The following SMURF2 variants were observed in gnomAD, a reference collection of about 807,000 sequenced individuals.
SMURF2 encodes the protein SMAD specific E3 ubiquitin protein ligase 2, also known as E3 ubiquitin-protein ligase SMURF2.
A neutral mutation model predicts 109.6 loss-of-function variants in SMURF2; 48 were observed. The ratio of observed to expected loss-of-function variants is 0.44; its 90% CI spans 0.35 to 0.56. The LOEUF is 0.56. Ranked by LOEUF, SMURF2 falls within the 20% of genes least tolerant of loss-of-function variation. The probability of loss-of-function intolerance (pLI) is 0.01; values close to 1 mark genes in which losing one functional copy is unlikely to be tolerated. For missense variants in SMURF2, 575 were observed against 909.0 expected (o/e 0.63, Z 4.72); for synonymous variants, 288 against 317.1 (o/e 0.91, Z 0.97).
At position 64,562,760 on chromosome 17, in the gene SMURF2, C is replaced by G; in HGVS notation, c.1212+11G>C. 1 of 1,609,932 alleles carries G rather than the reference C, an allele frequency of 6.2e-7. No individual in the cohort carries two copies. The highest frequency in any genetic ancestry group is 8.5e-7 in the Non-Finnish European group (1 of 1,177,894). On this transcript the variant is annotated intron_variant, in intron 11 of 18. Transcript: ENST00000262435. ...AAAAATAGTAAAACAAAATAAGGCT[C>G]GTAAATTTACCTCAAAAATCTCTTC...
At chr17:64,616,524 C>T (rs1970122924) in intron 1 of SMURF2, among the ~76,000 whole-genome samples, 2 of 151,822 alleles carry the variant, frequency 1.3e-5, no homozygotes, top group African/African-American at 2.4e-5. Flanking sequence ...GTGGCAGGTG[C>T]CTGTATACAG....
chr17:64,636,593 ACT>A (rs1970419025), intron 1 of SMURF2, among the ~76,000 whole-genome samples: 1 of 128,096 alleles, frequency 7.8e-6, no homozygotes, highest in Non-Finnish European at 1.6e-5. Flanking sequence ...TCAGGGCCAG[ACT>A]CTGCCTCAAA....
intron 1 of SMURF2, among the ~76,000 whole-genome samples, chr17:64,633,801 A>T (rs1366542965): frequency 2.7e-5 from 4 of 150,690 alleles, no homozygotes; most frequent in African/African-American, 9.8e-5. Flanking sequence ...TTAGCCCCCC[A>T]CCCCCCAAAA....
chr17:64,586,689 T>A (rs1555687122), intron 5 of SMURF2, among the ~76,000 whole-genome samples: 1 of 136,576 alleles, frequency 7.3e-6, no homozygotes, highest in African/African-American at 2.8e-5. Context: ...AGGCGGAGCT[T>A]GCAGTGAGCT....
Position 64,661,982 on chromosome 17 carries a change from G to T in SMURF2, c.-102C>A. On this transcript the variant is annotated 5_prime_UTR_variant, in exon 1 of 19. Coordinates refer to ENST00000262435, the MANE Select transcript of SMURF2 (RefSeq NM_022739.4). ...GCCGGGGCTGGGGCCCGAGCAGCCGGCGCCTCGGCCGCCACGGCCGGAGGG... is the reference window on the plus strand; with the variant it reads ...GCCGGGGCTGGGGCCCGAGCAGCCGTCGCCTCGGCCGCCACGGCCGGAGGG... 3 of 1,113,164 alleles carry T rather than the reference G, an allele frequency of 2.7e-6. No individual in the cohort carries two copies. The highest frequency in any genetic ancestry group is 3.3e-6 in the Non-Finnish European group (3 of 912,550). The allele number at this position is 1,113,164 out of a possible 1,614,324, so 69.0% of individuals were successfully genotyped here.
chr17:64,618,837 C>G (rs1272897180), intron 1 of SMURF2, among the ~76,000 whole-genome samples: 1 of 152,122 alleles, frequency 6.6e-6, no homozygotes, highest in Non-Finnish European at 1.5e-5. Flanking sequence ...TTTCTAGAGA[C>G]ACTTATAGAG....
intron 14 of SMURF2, 109 bp from the exon 15 acceptor site, chr17:64,555,102 G>A: frequency 1.8e-6 from 2 of 1,089,136 alleles, no homozygotes; most frequent in East Asian, 5.3e-5. Context: ...TATAACAAAT[G>A]TGAGGTCAGA....
At position 64,591,160 on chromosome 17, in the gene SMURF2, T is replaced by C; in HGVS notation, c.335-11A>G. 3 of 1,610,640 alleles carry C rather than the reference T, an allele frequency of 1.9e-6. No homozygotes were observed. Among genetic ancestry groups the C allele is most frequent in the Non-Finnish European group, 2.5e-6 (3 of 1,178,524 alleles). ...AATCCAACCTCTGATCTATTTGAAG[T>C]CAACAAAGAAAGCAACGAAAAAATT... On this transcript the variant is annotated splice_polypyrimidine_tract_variant and intron_variant, in intron 4 of 18. Coordinates refer to ENST00000262435, the MANE Select transcript of SMURF2 (RefSeq NM_022739.4).
intron 10 of SMURF2, among the ~76,000 whole-genome samples, chr17:64,570,567 A>C (rs1156874022): frequency 2.6e-5 from 4 of 152,228 alleles, no homozygotes; most frequent in African/African-American, 7.2e-5. Flanking sequence ...GAGAGAAAAG[A>C]AAAGCAAAGG....
intron 7 of SMURF2, 116 bp downstream of exon 7, chr17:64,583,345 T>C (rs1555686739): frequency 1.3e-6 from 1 of 756,902 alleles, no homozygotes; most frequent in African/African-American, 1.8e-5. Context: ...TAAGATCTAC[T>C]GATCTACGAC....
At chr17:64,636,530 G>A (rs1337846803) in intron 1 of SMURF2, among the ~76,000 whole-genome samples, 1 of 150,948 alleles carries the variant, frequency 6.6e-6, no homozygotes, top group East Asian at 1.9e-4. Context: ...TTGAACCCAG[G>A]AGGTGGAGGT....
chr17:64,580,436 A>G (rs1262442888), intron 8 of SMURF2, among the ~76,000 whole-genome samples: 2 of 152,240 alleles, frequency 1.3e-5, no homozygotes, highest in African/African-American at 4.8e-5. Context: ...GTTGAACTTC[A>G]GATTACCGTT....
At chr17:64,557,931 G>A (rs906164829) in intron 12 of SMURF2, among the ~76,000 whole-genome samples, 4 of 152,002 alleles carry the variant, frequency 2.6e-5, no homozygotes, top group Admixed American at 6.6e-5. Flanking sequence ...AACATCTCAC[G>A]CAAAATTTAG....
chr17:64,661,208 G>A (rs949547847), intron 1 of SMURF2, among the ~76,000 whole-genome samples: 2 of 152,124 alleles, frequency 1.3e-5, no homozygotes, highest in African/African-American at 4.8e-5. Context: ...TGTACAATGA[G>A]CCCAAGCCGT....
intron 1 of SMURF2, among the ~76,000 whole-genome samples, chr17:64,635,313 CG>C (rs1568204554): frequency 6.6e-6 from 1 of 152,060 alleles, no homozygotes; most frequent in African/African-American, 2.4e-5. Context: ...GGCGACAGAG[CG>C]AGACTAGGTC....
At position 64,596,508 on chromosome 17, in the gene SMURF2, C is replaced by G. The variant is rs1386872623; in HGVS notation, c.200+1874G>C. On this transcript the variant is annotated intron_variant, in intron 3 of 18. Coordinates refer to ENST00000262435, the MANE Select transcript of SMURF2 (RefSeq NM_022739.4). ...GTCAAAGTATATCTTCTGATAAGAT[C>G]TCAACTTTCTTCCCATCTTTGTATT... is the stretch of plus-strand genomic sequence containing the variant. Among the ~76,000 whole-genome samples the G allele has an allele frequency of 2.1e-5, 3 of 144,634 alleles. No homozygotes were observed. The East Asian group carries it at 6.2e-4, about 30-fold the overall frequency. 94.9% of individuals were successfully genotyped at this position (144,634 alleles called of 152,430 possible).
chr17:64,619,634 CAG>C (rs1555690452), intron 1 of SMURF2, among the ~76,000 whole-genome samples: 2 of 152,058 alleles, frequency 1.3e-5, no homozygotes, highest in African/African-American at 4.8e-5. Flanking sequence ...AAGGTGCCAG[CAG>C]AGTCAATGTC....
At chr17:64,561,411 A>T (rs2303573) in intron 12 of SMURF2, 89 bp downstream of exon 12, 36,180 of 810,062 alleles carry the variant, frequency 0.045, 1,137 homozygotes, top group Admixed American at 0.14. Context: ...CAAAAAATAA[A>T]TGTCGATGAG....
In SMURF2 at chr17:64,571,938, A is replaced by G. The variant is rs1172583470; in HGVS notation, c.876T>C (p.Asn292=). ...GAGGCAATGGACCAAGCTCTTCACA[A>G]TTGATGTTGCTAAGATCCCTGCAAA... is the stretch of plus-strand genomic sequence containing the variant. ...PRVPRDLSNI[N]CEELGPLPPG... Residue 292 remains asparagine (N), a synonymous_variant, in exon 10 of 19, where the codon AAT becomes AAC. Transcript: ENST00000262435. 1 of 1,612,302 alleles carries G rather than the reference A, an allele frequency of 6.2e-7. No individual in the cohort carries two copies. Among genetic ancestry groups the G allele is most frequent in the Non-Finnish European group, 8.5e-7 (1 of 1,179,398 alleles).
Sources: allele counts gnomAD v4.1 joint callset (sites outside exome capture counted in the v4.1 genomes callset), GRCh38; gene constraint gnomAD v4.1.1; transcripts MANE v1.5; gene names NCBI Gene and HGNC (gene_info 2026-07-23, HGNC 2026-07-21).